Variants in CHRM5 observed in about 807,000 individuals in gnomAD.
CHRM5 encodes the protein muscarinic acetylcholine receptor M5.
Under a neutral mutation model 39.0 loss-of-function variants are expected in CHRM5, and 18 were observed. That is an observed-to-expected ratio of 0.46 (90% CI 0.32 to 0.68). CHRM5 has a LOEUF of 0.68. CHRM5 is among the 30% of genes least tolerant of loss of function. The probability of loss-of-function intolerance (pLI) is 0.04; values close to 1 mark genes in which losing one functional copy is unlikely to be tolerated. For synonymous variants in CHRM5, 241 were observed against 246.3 expected, an observed-to-expected ratio of 0.98 and a Z score of 0.20; for missense variants, 515 against 651.1, an observed-to-expected ratio of 0.79 and a Z score of 2.28.
chr15:34,020,038 G>A (rs187265742), intron 1 of CHRM5, among the ~76,000 whole-genome samples: 3 of 152,264 alleles, frequency 2.0e-5, no homozygotes, highest in Non-Finnish European at 2.9e-5. Context: ...TAGGCTGGGC[G>A]CAGTGGTTCA....
rs140826673 is a variant in CHRM5 at position 34,052,364 on chromosome 15, C to T, written c.-76+5493C>T. The stretch of plus-strand genomic sequence containing the variant: ...ACATACCACAAAATAATAAAAGCCA[C>T]CTGTGACAGACTCACAGCCAATGTC... On this transcript the variant is annotated intron_variant, in intron 2 of 2. Transcript: ENST00000383263. 4.4e-3 allele frequency among the ~76,000 whole-genome samples: 666 copies of T among 152,218 alleles called. 4 individuals are homozygous for T. Among genetic ancestry groups the T allele is most frequent in the African/African-American group, 0.015 (639 of 41,534 alleles).
intron 1 of CHRM5, among the ~76,000 whole-genome samples, chr15:33,995,300 T>G (rs1896887629): frequency 6.6e-6 from 1 of 151,988 alleles, no homozygotes; most frequent in Non-Finnish European, 1.5e-5. Flanking sequence ...TATTTTAAAA[T>G]AACAATACAA....
intron 1 of CHRM5, among the ~76,000 whole-genome samples, chr15:34,035,880 C>A (rs1176644715): frequency 1.3e-5 from 2 of 152,152 alleles, no homozygotes; most frequent in Admixed American, 6.5e-5. Context: ...CTGCAGCCTC[C>A]ACCTCCGGGG....
chr15:34,028,119 C>CT (rs1271690649), intron 1 of CHRM5, among the ~76,000 whole-genome samples: 2 of 152,144 alleles, frequency 1.3e-5, no homozygotes, highest in East Asian at 3.9e-4. Context: ...TCAGCAAAAG[C>CT]TGGGAGACTT....
chr15:34,059,699 T>A (rs1900273644), intron 2 of CHRM5, among the ~76,000 whole-genome samples: 2 of 152,138 alleles, frequency 1.3e-5, no homozygotes, highest in Admixed American at 6.6e-5. Context: ...GGCACTAGCA[T>A]CCCCAGCCTC....
intron 1 of CHRM5, among the ~76,000 whole-genome samples, chr15:34,001,761 T>C (rs148745951): frequency 1.1e-4 from 16 of 152,352 alleles, no homozygotes; most frequent in African/African-American, 3.6e-4. Flanking sequence ...ACTTCTTTCC[T>C]GCTCGGAAAA....
chr15:33,970,731 A>T (rs1306478941), intron 1 of CHRM5, among the ~76,000 whole-genome samples: 2 of 151,974 alleles, frequency 1.3e-5, no homozygotes, highest in African/African-American at 4.8e-5. Context: ...GCTTCCAATA[A>T]ATGGAATTAA....
intron 2 of CHRM5, among the ~76,000 whole-genome samples, chr15:34,051,652 G>A (rs1336815473): frequency 2.0e-5 from 3 of 152,042 alleles, no homozygotes; most frequent in South Asian, 2.1e-4. Flanking sequence ...AAATGATAAG[G>A]GAGAAATCAC....
intron 1 of CHRM5, among the ~76,000 whole-genome samples, chr15:34,031,246 C>G (rs960270839): frequency 2.2e-5 from 3 of 137,746 alleles, no homozygotes; most frequent in Non-Finnish European, 4.5e-5. Flanking sequence ...GCGATCTCAG[C>G]TCACTGCAAC....
chr15:34,039,052 C>T, intron 1 of CHRM5: 3 of 1,102,822 alleles, frequency 2.7e-6, no homozygotes, highest in East Asian at 5.7e-5. Flanking sequence ...TGCATCTGGC[C>T]GCCGCTGGCG....
At chr15:34,008,954 G>GCGCA (rs1481359332) in intron 1 of CHRM5, among the ~76,000 whole-genome samples, 91 of 103,202 alleles carry the variant, frequency 8.8e-4, no homozygotes, top group African/African-American at 2.3e-3. Flanking sequence ...GTGCGCGCGC[G>GCGCA]CACACACACA....
At position 34,045,349 on chromosome 15, in the gene CHRM5, A is replaced by G. The variant is rs79244385; in HGVS notation, c.-407-1191A>G. On this transcript the variant is annotated intron_variant, in intron 1 of 2. Coordinates refer to ENST00000383263, the MANE Select transcript of CHRM5 (RefSeq NM_012125.4). ...ATTTCTTAATCACCACCTTATCTTC[A>G]GTCAGCAATTTGATTCTACCAGTCA... is the stretch of plus-strand genomic sequence containing the variant. Among the ~76,000 whole-genome samples, 4 of 152,292 alleles carry G rather than the reference A, an allele frequency of 2.6e-5. No individual in the cohort carries two copies. The East Asian group carries it at 7.7e-4, about 29-fold the overall frequency.
intron 2 of CHRM5, among the ~76,000 whole-genome samples, chr15:34,059,210 T>C (rs1353470006): frequency 2.0e-5 from 3 of 152,148 alleles, no homozygotes; most frequent in African/African-American, 4.8e-5. Flanking sequence ...TTATTTTTTC[T>C]AATGAGGAAA....
intron 1 of CHRM5, among the ~76,000 whole-genome samples, chr15:34,012,696 T>C (rs1019938309): frequency 3.3e-5 from 5 of 152,252 alleles, no homozygotes; most frequent in African/African-American, 1.2e-4. Context: ...ATAGCTGTCT[T>C]CTGGCCCACT....
chr15:34,019,528 C>T (rs1051024188), intron 1 of CHRM5, among the ~76,000 whole-genome samples: 1 of 152,212 alleles, frequency 6.6e-6, no homozygotes, highest in Non-Finnish European at 1.5e-5. Flanking sequence ...TTCCTATTCA[C>T]TCACCACTCA....
At chr15:33,974,318 T>C (rs1895776691) in intron 1 of CHRM5, among the ~76,000 whole-genome samples, 2 of 152,230 alleles carry the variant, frequency 1.3e-5, no homozygotes, top group South Asian at 2.1e-4. Flanking sequence ...ATTTATTCTG[T>C]TGGATGCTCT....
chr15:34,012,361 C>T (rs1475823150), intron 1 of CHRM5, among the ~76,000 whole-genome samples: 1 of 152,146 alleles, frequency 6.6e-6, no homozygotes, highest in South Asian at 2.1e-4. Flanking sequence ...TAAAGGTCAT[C>T]TGTATAAAAA....
rs1326177548 is a variant in CHRM5 at position 34,067,236 on chromosome 15, T to G, written c.*2920T>G. On this transcript the variant is annotated 3_prime_UTR_variant, in exon 3 of 3. Coordinates refer to ENST00000383263, the MANE Select transcript of CHRM5 (RefSeq NM_012125.4). ...TTCAATTTTTGGTTGAACAAAGCATTTTGTCAATATTCTCAGCTTTTGCTT... is the reference window on the plus strand; with the variant it reads ...TTCAATTTTTGGTTGAACAAAGCATGTTGTCAATATTCTCAGCTTTTGCTT... 6.6e-6 allele frequency: 1 copy of G among 152,262 alleles called. No homozygotes were observed. Among genetic ancestry groups the G allele is most frequent in the Non-Finnish European group, 1.5e-5 (1 of 68,050 alleles). 9.4% of individuals were successfully genotyped at this position (152,262 alleles called of 1,614,324 possible).
chr15:33,991,667 G>A (rs1295159696), intron 1 of CHRM5: 1 of 152,112 alleles, frequency 6.6e-6, no homozygotes, highest in South Asian at 2.1e-4. Flanking sequence ...TTTATCAGTA[G>A]AGCAAAAGAG....
Sources: gnomAD v4.1 joint callset for allele counts (sites outside exome capture counted in the v4.1 genomes callset) on GRCh38, gnomAD v4.1.1 for gene constraint, MANE v1.5 for transcripts, NCBI Gene and HGNC (gene_info 2026-07-23, HGNC 2026-07-21) for gene names.